Variants in BRWD1 observed in about 807,000 individuals in gnomAD.
The protein encoded by BRWD1 is bromodomain and WD repeat-containing protein 1.
BRWD1 carries 82 observed loss-of-function variants against 251.2 expected under a neutral mutation model. The ratio of observed to expected loss-of-function variants is 0.33; its 90% confidence interval spans 0.27 to 0.39. The LOEUF is 0.39. BRWD1 is among the 10% of genes least tolerant of loss of function. BRWD1 has a pLI of 1.00. For missense variants in BRWD1, 2,233 were observed against 2,711.6 expected (o/e 0.82, Z 3.92); for synonymous variants, 918 against 902.8 (o/e 1.02, Z -0.30).
intron 29 of BRWD1, among the ~76,000 whole-genome samples, chr21:39,220,197 G>C (rs1470307295): frequency 6.6e-6 from 1 of 152,098 alleles, no homozygotes; most frequent in Non-Finnish European, 1.5e-5. Flanking sequence ...GGTCTCCTCA[G>C]GTATTCTGGT....
chr21:39,293,563 G>T (rs1352546115), intron 8 of BRWD1, among the ~76,000 whole-genome samples: 2 of 151,424 alleles, frequency 1.3e-5, no homozygotes, highest in African/African-American at 4.9e-5. Flanking sequence ...TCTATCACCA[G>T]TTTCTAATTG....
At chr21:39,217,362 G>C (rs2032998443) in intron 31 of BRWD1, 1 of 167,626 alleles carries the variant, frequency 6.0e-6, no homozygotes, top group Non-Finnish European at 1.3e-5. Context: ...TCATGAAAGT[G>C]CTGGGATTAC....
At chr21:39,314,243 G>A (rs1292928007), upstream of BRWD1, 1 of 455,672 alleles carries the variant, frequency 2.2e-6, no homozygotes, top group Non-Finnish European at 4.4e-6. Flanking sequence ...GGCCTCGTAT[G>A]CTGGCGTTGC....
At chr21:39,245,270 G>A (rs2034144431) in intron 21 of BRWD1, among the ~76,000 whole-genome samples, 2 of 151,876 alleles carry the variant, frequency 1.3e-5, no homozygotes, top group Admixed American at 1.3e-4. Context: ...TTAAACAGAT[G>A]GTTTTAATCA....
At position 39,200,532 on chromosome 21, in the gene BRWD1, C is replaced by T. The variant is rs1408619598; in HGVS notation, c.4586-146G>A. ...TGCTTAGAATATATTTTTTAAAAACCATTCCCAAAAAAAGCTGATGAAATT... is the reference window on the plus strand; with the variant it reads ...TGCTTAGAATATATTTTTTAAAAACTATTCCCAAAAAAAGCTGATGAAATT... On this transcript the variant is annotated intron_variant, in intron 38 of 40. Coordinates refer to ENST00000342449, the MANE Select transcript of BRWD1 (RefSeq NM_033656.4). 3 of 652,106 alleles carry T rather than the reference C, an allele frequency of 4.6e-6. No homozygotes were observed. The East Asian group carries it at 9.9e-5, about 22-fold the overall frequency. 40.4% of individuals were successfully genotyped at this position (652,106 alleles called of 1,614,324 possible). A position where few individuals can be genotyped will look rare whatever the true frequency, so the allele number is the denominator to read the frequency against.
chr21:39,306,464 G>A (rs142261131), intron 4 of BRWD1, among the ~76,000 whole-genome samples: 2 of 152,284 alleles, frequency 1.3e-5, no homozygotes, highest in East Asian at 1.9e-4. Context: ...GACAGAGGAG[G>A]AAGGAAATAT....
At position 39,197,321 on chromosome 21, in the gene BRWD1, T is replaced by C. The variant is rs1391431166; in HGVS notation, c.5748A>G (p.Lys1916=). The change falls in exon 41 of 41, where the codon AAA becomes AAG. Residue 1916 remains lysine, a synonymous_variant. Transcript: ENST00000342449. ...DSDSSLQVVK[K]SSKARTGLLR... ...GGAGACCTGTTCTGGCTTTTGATGA[T>C]TTCTTAACCACCTGTAAACTACTGT... 6.2e-7 allele frequency: 1 copy of C among 1,613,944 alleles called. No homozygotes were observed. The highest frequency in any genetic ancestry group is 1.3e-5 in the African/African-American group (1 of 74,934).
Position 39,258,495 on chromosome 21 carries a change from G to A in BRWD1, c.2063C>T (p.Pro688Leu). 1.3e-6 allele frequency: 2 copies of A among 1,590,602 alleles called. No homozygotes were observed. The highest frequency in any genetic ancestry group is 1.4e-5 in the African/African-American group (1 of 74,002). ...TTATCACTATTTATTACCTCTCCGG[G>A]GTGTTTCTTCACCATTTGAAAGTCC... ...PRGLSNGEET[P>L]RRGFRRLSLD... The change falls in exon 18 of 41, where the codon CCC (proline) becomes CTC (leucine). Residue 688 changes from proline to leucine, a missense_variant. Pro to Leu is a moderately conservative substitution (Grantham distance 98). Around this residue, in one of 12 missense-constraint regions of BRWD1, gnomAD observed 73 missense variants for 68.1 expected, o/e 1.07. Coordinates refer to ENST00000342449, the MANE Select transcript of BRWD1 (RefSeq NM_033656.4).
intron 36 of BRWD1, among the ~76,000 whole-genome samples, chr21:39,207,484 A>ACACACAC (rs1555849299): frequency 4.2e-5 from 6 of 142,694 alleles, no homozygotes; most frequent in African/African-American, 1.6e-4. Flanking sequence ...ACACACACAC[A>ACACACAC]AACAAAACTC....
chr21:39,253,320 A>G (rs2034460386), intron 19 of BRWD1, among the ~76,000 whole-genome samples: 1 of 151,364 alleles, frequency 6.6e-6, no homozygotes, highest in Non-Finnish European at 1.5e-5. Flanking sequence ...AAGGACTAGA[A>G]GCCAAGCTCC....
upstream of BRWD1, among the ~76,000 whole-genome samples, chr21:39,315,990 C>T (rs760230843): frequency 6.6e-6 from 1 of 152,104 alleles, no homozygotes; most frequent in African/African-American, 2.4e-5. Context: ...GTTTAAGGAA[C>T]CAGAAGTTTA....
rs552314362 is a variant in BRWD1 at position 39,209,820 on chromosome 21, T to C, written c.4197+175A>G. On this transcript the variant is annotated intron_variant, in intron 36 of 40. Coordinates refer to ENST00000342449, the MANE Select transcript of BRWD1 (RefSeq NM_033656.4). ...TGATGAAAGGCAAAAACTGAAGCTA[T>C]ATGAGCAGTAGCAGAAGCTCTTTTC... 58 of 574,636 alleles carry C rather than the reference T, an allele frequency of 1.0e-4. No individual in the cohort carries two copies. In the South Asian group the frequency reaches 2.6e-3, roughly 26 times the overall value. The allele number at this position is 574,636 out of a possible 1,614,324, so 35.6% of individuals were successfully genotyped here.
chr21:39,305,965 T>A (rs564228307), intron 4 of BRWD1, among the ~76,000 whole-genome samples: 3 of 151,982 alleles, frequency 2.0e-5, no homozygotes, highest in Non-Finnish European at 4.4e-5. Context: ...GCCCAGGAGT[T>A]TGACGCTGCA....
chr21:39,273,176 T>A (rs1326433995), intron 13 of BRWD1, among the ~76,000 whole-genome samples: 1 of 152,226 alleles, frequency 6.6e-6, no homozygotes, highest in African/African-American at 2.4e-5. Context: ...CATTCAAGTT[T>A]TGACAGTTTC....
chr21:39,225,379 A>G (rs1389329086), intron 27 of BRWD1, among the ~76,000 whole-genome samples, 182 bp from the exon 28 acceptor site: 2 of 152,236 alleles, frequency 1.3e-5, no homozygotes, highest in Non-Finnish European at 2.9e-5. Context: ...TTTAGATTAA[A>G]TGCATTTCTA....
At position 39,238,459 on chromosome 21, in the gene BRWD1, A is replaced by G; in HGVS notation, c.2576+20T>C. 6.3e-7 allele frequency: 1 copy of G among 1,587,044 alleles called. No homozygotes were observed. The highest frequency in any genetic ancestry group is 8.7e-7 in the Non-Finnish European group (1 of 1,156,044). ...CTATGACTAAAATGCTTAAAAGACC[A>G]CAACAATAAAAACAGATACCTTGAA... On this transcript the variant is annotated intron_variant, in intron 22 of 40. Transcript: ENST00000342449.
At chr21:39,230,883 C>T (rs1197165839) in intron 25 of BRWD1, among the ~76,000 whole-genome samples, 2 of 151,284 alleles carry the variant, frequency 1.3e-5, no homozygotes, top group Non-Finnish European at 2.9e-5. Context: ...TCAAATTTTT[C>T]ACCACCCTGA....
Position 39,190,801 on chromosome 21 carries a change from G to A in BRWD1, c.*5458C>T. 2.0e-6 allele frequency: 2 copies of A among 985,218 alleles called. No individual in the cohort carries two copies. Among genetic ancestry groups the A allele is most frequent in the Non-Finnish European group, 2.4e-6 (2 of 829,880 alleles). The allele number at this position is 985,218 out of a possible 1,614,324, so 61.0% of individuals were successfully genotyped here. A position where few individuals can be genotyped will look rare whatever the true frequency, so the allele number is the denominator to read the frequency against. On this transcript the variant is annotated 3_prime_UTR_variant, in exon 41 of 41. Coordinates refer to ENST00000342449, the MANE Select transcript of BRWD1 (RefSeq NM_033656.4). The stretch of plus-strand genomic sequence containing the variant: ...GGGGAGCTGGTAACACTGCAGTATG[G>A]CAGCATCAGGTCAAAAGACCATCAG...
upstream of BRWD1, chr21:39,314,567 C>T (rs1331710421): frequency 2.9e-6 from 1 of 346,816 alleles, no homozygotes; most frequent in Non-Finnish European, 5.7e-6. Flanking sequence ...GGACGACGAC[C>T]AGAAAATTCC....
Sources: allele counts gnomAD v4.1 joint callset (sites outside exome capture counted in the v4.1 genomes callset), GRCh38; gene constraint gnomAD v4.1.1; regional missense constraint gnomAD v4.1.1; transcripts MANE v1.5; gene names NCBI Gene and HGNC (gene_info 2026-07-23, HGNC 2026-07-21).